The following ADCY3 variants were observed in gnomAD, a reference collection of about 807,000 sequenced individuals.
ADCY3 encodes the protein adenylate cyclase 3.
ADCY3 carries 70 observed loss-of-function variants against 119.4 expected under a neutral mutation model. The ratio of observed to expected loss-of-function variants is 0.59; its 90% CI spans 0.48 to 0.72. The LOEUF (loss-of-function observed/expected upper bound fraction) is 0.72, where lower values mean the gene tolerates loss of function less well. Among genes scored for constraint, ADCY3 ranks in the 30% least tolerant of loss-of-function variants. The pLI, the probability that ADCY3 is intolerant of heterozygous loss-of-function variation, is 0.00. For missense variants in ADCY3, 1,238 were observed against 1,541.6 expected, an observed-to-expected ratio of 0.80 and a Z score of 3.30; for synonymous variants, 672 against 621.4, an observed-to-expected ratio of 1.08 and a Z score of -1.21.
In ADCY3 at chr2:24,823,324, C is replaced by G; in HGVS notation, c.2768G>C (p.Gly923Ala). 1 of 1,613,742 alleles carries G rather than the reference C, an allele frequency of 6.2e-7. No individual in the cohort carries two copies. Among genetic ancestry groups the G allele is most frequent in the Non-Finnish European group, 8.5e-7 (1 of 1,179,940 alleles). The change falls in exon 18 of 22, where the codon GGA becomes GCA. Residue 923 changes from glycine (G) to alanine (A), a missense_variant. Around this residue, in one of 7 missense-constraint regions of ADCY3, gnomAD observed 499 missense variants for 571.0 expected, o/e 0.87. Coordinates refer to ENST00000679454, the MANE Select transcript of ADCY3 (RefSeq NM_004036.5). ...ELYSQTYDEI[G>A]VMFASLPNFA... ...GTTGGGCAGGGAGGCAAACATGACTCCAATCTCATCATACGTCTGGCTATA... is the reference window on the plus strand; with the variant it reads ...GTTGGGCAGGGAGGCAAACATGACTGCAATCTCATCATACGTCTGGCTATA...
chr2:24,820,122 G>C lies in ADCY3; in HGVS notation c.3253-8C>G. ...TTGGGTTTCTTCTACCACCTGGAGA[G>C]GGAGGGGGAGCAAGAACGTGGCGTT... On this transcript the variant is annotated splice_region_variant and splice_polypyrimidine_tract_variant and intron_variant, in intron 21 of 21. Transcript: ENST00000679454. 6.5e-7 allele frequency: 1 copy of C among 1,533,872 alleles called. No homozygotes were observed. Among genetic ancestry groups the C allele is most frequent in the South Asian group, 1.3e-5 (1 of 78,640 alleles).
chr2:24,865,889 C>T (rs759586275), intron 3 of ADCY3, among the ~76,000 whole-genome samples: 16 of 152,202 alleles, frequency 1.1e-4, no homozygotes, highest in Non-Finnish European at 2.2e-4. Context: ...TTTTCCCTTG[C>T]GACCAGGGTC....
chr2:24,866,938 G>C (rs1440308709), intron 3 of ADCY3, among the ~76,000 whole-genome samples: 1 of 152,168 alleles, frequency 6.6e-6, no homozygotes, highest in Non-Finnish European at 1.5e-5. Context: ...GATACTTCTG[G>C]AACATGGTAA....
At chr2:24,875,600 C>G (rs540892297) in intron 2 of ADCY3, among the ~76,000 whole-genome samples, 1 of 152,226 alleles carries the variant, frequency 6.6e-6, no homozygotes, top group Non-Finnish European at 1.5e-5. Context: ...GGGGTGCTCA[C>G]GCAGCGACGG....
Position 24,819,982 on chromosome 2 carries a change from G to T in ADCY3, c.3385C>A (p.Pro1129Thr). 6.2e-7 allele frequency: 1 copy of T among 1,613,662 alleles called. No individual in the cohort carries two copies. The change falls in exon 22 of 22, where the codon CCC becomes ACC. Residue 1129 changes from proline to threonine, a missense_variant. Coordinates refer to ENST00000679454, the MANE Select transcript of ADCY3 (RefSeq NM_004036.5). ...LKGRDKLATF[P>T]NGPSVTLPHQ... ...GGCAGTGTGACAGAGGGGCCATTGG[G>T]GAAGGTGGCTAGCTTATCCCGCCCC...
intron 2 of ADCY3, among the ~76,000 whole-genome samples, chr2:24,882,867 G>A (rs56215558): frequency 6.6e-6 from 1 of 152,022 alleles, no homozygotes; most frequent in Non-Finnish European, 1.5e-5. Flanking sequence ...GACCAGCCTG[G>A]GCAACTTGGT....
At chr2:24,893,524 G>T (rs1677936653) in intron 2 of ADCY3, among the ~76,000 whole-genome samples, 1 of 151,966 alleles carries the variant, frequency 6.6e-6, no homozygotes, top group South Asian at 2.1e-4. Flanking sequence ...GTCTATCTGT[G>T]TCTTTATATT....
chr2:24,828,608 T>TG (rs575107128), intron 13 of ADCY3, among the ~76,000 whole-genome samples: 2 of 152,174 alleles, frequency 1.3e-5, no homozygotes, highest in Non-Finnish European at 2.9e-5. Context: ...ATCCTTCCAT[T>TG]GGGGGGATGT....
chr2:24,911,637 CAAAAAAAAAAAAAAAAA>C (rs60134317), intron 2 of ADCY3, among the ~76,000 whole-genome samples: 3 of 106,108 alleles, frequency 2.8e-5, no homozygotes, highest in Admixed American at 1.1e-4. Flanking sequence ...GAGACAGACT[CAAAAAAAAAAAAAAAAA>C]AAAACACACA....
chr2:24,819,392 T>G lies in ADCY3; in HGVS notation c.*540A>C, dbSNP rs1169673150. 6.5e-6 allele frequency: 1 copy of G among 152,720 alleles called. No homozygotes were observed. Among genetic ancestry groups the G allele is most frequent in the Non-Finnish European group, 1.5e-5 (1 of 68,104 alleles). The allele number at this position is 152,720 out of a possible 1,614,324, so 9.5% of individuals were successfully genotyped here. A position where few individuals can be genotyped will look rare whatever the true frequency, so the allele number is the denominator to read the frequency against. ...CTCCCCTGCCAGGTGAAAGGAAATATTGCACTTTCTGTTCTCATGACTAAG... is the reference window on the plus strand; with the variant it reads ...CTCCCCTGCCAGGTGAAAGGAAATAGTGCACTTTCTGTTCTCATGACTAAG... On this transcript the variant is annotated 3_prime_UTR_variant, in exon 22 of 22. Transcript: ENST00000679454.
intron 2 of ADCY3, among the ~76,000 whole-genome samples, chr2:24,908,819 A>G (rs1442991593): frequency 6.6e-6 from 1 of 152,216 alleles, no homozygotes; most frequent in Non-Finnish European, 1.5e-5. Context: ...CGATCTACCC[A>G]GCACAGGCTA....
In ADCY3 at chr2:24,917,663, C is replaced by T. The variant is rs143477972; in HGVS notation, c.675+650G>A. Among the ~76,000 whole-genome samples, 144 of 152,266 alleles carry T rather than the reference C, an allele frequency of 9.5e-4. 2 individuals carry two copies. The East Asian group carries it at 0.022, about 23-fold the overall frequency. ...CCAGGAGACCCTACGTCACAGTGGCCGGCATGACTGTCCCCATTTGCATCC... is the reference window on the plus strand; with the variant it reads ...CCAGGAGACCCTACGTCACAGTGGCTGGCATGACTGTCCCCATTTGCATCC... On this transcript the variant is annotated intron_variant, in intron 2 of 21. Transcript: ENST00000679454.
chr2:24,852,851 G>A (rs1181840440), intron 3 of ADCY3, among the ~76,000 whole-genome samples: 2 of 152,252 alleles, frequency 1.3e-5, no homozygotes, highest in African/African-American at 4.8e-5. Context: ...ACTTCAGGCT[G>A]CCCTACCCAG....
At chr2:24,820,197 C>T (rs1667357792) in intron 21 of ADCY3, 83 bp from the exon 22 acceptor site, 1 of 1,287,544 alleles carries the variant, frequency 7.8e-7, no homozygotes, top group Non-Finnish European at 1.1e-6. Flanking sequence ...GTGGTTGGAG[C>T]CGAGCACTGA....
At chr2:24,861,051 G>C (rs1009685429) in intron 3 of ADCY3, among the ~76,000 whole-genome samples, 3 of 152,162 alleles carry the variant, frequency 2.0e-5, no homozygotes, top group East Asian at 3.9e-4. Flanking sequence ...AGGAGTTTGA[G>C]ACCAGCTTGG....
At chr2:24,874,293 G>T (rs918926575) in intron 2 of ADCY3, among the ~76,000 whole-genome samples, 2 of 152,210 alleles carry the variant, frequency 1.3e-5, no homozygotes, top group Non-Finnish European at 1.5e-5. Context: ...GTTCCAGCTT[G>T]TAATGACCTG....
chr2:24,839,831 C>A (rs1392452265), intron 7 of ADCY3, 42 bp downstream of exon 7: 1 of 1,613,114 alleles, frequency 6.2e-7, no homozygotes, highest in East Asian at 2.2e-5. Context: ...GGGACGGTCC[C>A]CTCCCCAGTC....
In ADCY3 at chr2:24,841,088, C is replaced by A. The variant is rs936748368; in HGVS notation, c.1196+171G>T. ...GTGAGGAAGGTAAGCCACATCCCAG[C>A]TTCTAGAGCGGGAGCCTGCGCCACC... is the stretch of plus-strand genomic sequence containing the variant. On this transcript the variant is annotated intron_variant, in intron 6 of 21. Coordinates refer to ENST00000679454, the MANE Select transcript of ADCY3 (RefSeq NM_004036.5). This position sits in a 1 kb window ranked among gnomAD's most constrained non-coding sequence, Gnocchi z 5.8. Among the ~76,000 whole-genome samples the A allele has an allele frequency of 6.6e-6, 1 of 152,254 alleles. No homozygotes were observed. The highest frequency in any genetic ancestry group is 2.4e-5 in the African/African-American group (1 of 41,472).
At chr2:24,828,704 C>G (rs541473432) in intron 13 of ADCY3, among the ~76,000 whole-genome samples, 97 of 152,370 alleles carry the variant, frequency 6.4e-4, no homozygotes, top group African/African-American at 2.0e-3. Flanking sequence ...ATCAACCCCC[C>G]CTTTTTGTAA....
Sources: gnomAD v4.1 joint callset for allele counts (sites outside exome capture counted in the v4.1 genomes callset) on GRCh38, gnomAD v4.1.1 for gene constraint, gnomAD v4.1.1 regional missense constraint, Gnocchi (gnomAD v3.1) non-coding constraint, MANE v1.5 for transcripts, NCBI Gene and HGNC (gene_info 2026-07-23, HGNC 2026-07-21) for gene names.